The following DIP2C variants were observed in gnomAD, a reference collection of about 807,000 sequenced individuals.
DIP2C encodes the protein disco-interacting protein 2 homolog C.
A neutral mutation model predicts 192.4 loss-of-function variants in DIP2C; 33 were observed. That is an observed-to-expected ratio of 0.17 (90% CI 0.13 to 0.23). The LOEUF (loss-of-function observed/expected upper bound fraction) is 0.23. DIP2C is among the 10% of genes least tolerant of loss of function. The pLI, the probability that DIP2C is intolerant of heterozygous loss-of-function variation, is 1.00. For missense variants in DIP2C, 1,537 were observed against 2,110.1 expected (o/e 0.73, Z 5.32); for synonymous variants, 979 against 864.1 (o/e 1.13, Z -2.33).
chr10:420,384 G>A (rs1036859098), intron 5 of DIP2C, among the ~76,000 whole-genome samples: 3 of 152,194 alleles, frequency 2.0e-5, no homozygotes, highest in Admixed American at 6.5e-5. Context: ...CGGCAATGCC[G>A]TTCACTGGGA....
At chr10:378,238 C>A (rs983247620) in intron 17 of DIP2C, among the ~76,000 whole-genome samples, 2 of 152,188 alleles carry the variant, frequency 1.3e-5, no homozygotes, top group Non-Finnish European at 2.9e-5. Context: ...ACTTTAAATG[C>A]CTAGGTGAAA....
chr10:414,735 G>GTATATATA (rs1377828086), intron 7 of DIP2C, among the ~76,000 whole-genome samples: 23 of 53,084 alleles, frequency 4.3e-4, no homozygotes, highest in East Asian at 3.0e-3. Context: ...GTGTGTGTGT[G>GTATATATA]TGTGTACATA....
In DIP2C at chr10:378,836, AAC is replaced by A. The variant is rs371180321; in HGVS notation, c.1991+3809_1991+3810del. ...AAATGAACAGACATGCACAGATGTG[AAC>A]AGACATGCATAGACACATGTGAACA... On this transcript the variant is annotated intron_variant, in intron 17 of 36. Transcript: ENST00000280886. Among the ~76,000 whole-genome samples the A allele has an allele frequency of 6.4e-3, 974 of 151,826 alleles. 10 individuals are homozygous for A. The highest frequency in any genetic ancestry group is 0.022 in the African/African-American group (911 of 41,414).
intron 32 of DIP2C, among the ~76,000 whole-genome samples, chr10:294,096 C>T (rs1004159848): frequency 6.6e-6 from 1 of 152,144 alleles, no homozygotes. Context: ...TTCTGTCCAT[C>T]CTTTTCCCTT....
chr10:344,992 C>CA lies in DIP2C; in HGVS notation c.3343+6dup. The stretch of plus-strand genomic sequence containing the variant: ...AGCAAACCACCTTCTGCAGCTAAAG[C>CA]ACCAACCTGTGTCCAGGATGAGGGG... On this transcript the variant is annotated splice_region_variant and intron_variant, in intron 27 of 36. Coordinates refer to ENST00000280886, the MANE Select transcript of DIP2C (RefSeq NM_014974.3). The CA allele has an allele frequency of 6.2e-7, 1 of 1,611,472 alleles. No homozygotes were observed. The highest frequency in any genetic ancestry group is 8.5e-7 in the Non-Finnish European group (1 of 1,179,256).
chr10:538,605 A>G (rs1310732308), intron 1 of DIP2C, among the ~76,000 whole-genome samples: 2 of 152,182 alleles, frequency 1.3e-5, no homozygotes, highest in Admixed American at 1.3e-4. Context: ...ATCTAAGTCA[A>G]TGTTGTCAGC....
intron 1 of DIP2C, among the ~76,000 whole-genome samples, chr10:634,803 C>T (rs567251723): frequency 6.6e-6 from 1 of 152,102 alleles, no homozygotes; most frequent in Admixed American, 6.6e-5. Context: ...ATGATTCTCA[C>T]GACACTGTCA....
intron 31 of DIP2C, chr10:324,625 G>A (rs185821749): frequency 9.6e-4 from 187 of 194,382 alleles, no homozygotes; most frequent in South Asian, 2.5e-3. Context: ...GCAAAATAAC[G>A]CCATGACCCA....
At chr10:283,926 A>G (rs1308082970) in intron 34 of DIP2C, among the ~76,000 whole-genome samples, 2 of 152,388 alleles carry the variant, frequency 1.3e-5, no homozygotes, top group South Asian at 2.1e-4. Flanking sequence ...ATGAAGGCAC[A>G]TAACACCAAA....
At chr10:502,747 C>T (rs1357597561) in intron 1 of DIP2C, among the ~76,000 whole-genome samples, 1 of 152,118 alleles carries the variant, frequency 6.6e-6, no homozygotes, top group African/African-American at 2.4e-5. Flanking sequence ...ATAAAAAACA[C>T]TTAGGTATAC....
chr10:277,083 T>G lies in DIP2C; in HGVS notation c.*242A>C. On this transcript the variant is annotated 3_prime_UTR_variant, in exon 37 of 37. Coordinates refer to ENST00000280886, the MANE Select transcript of DIP2C (RefSeq NM_014974.3). ...AAAAGAAAGTTTTGAAATGGGCTTT[T>G]CCAACAAACTGAAGGCAGTAATCCA... The G allele has an allele frequency of 2.2e-6, 1 of 447,714 alleles. No individual in the cohort carries two copies. The highest frequency in any genetic ancestry group is 3.8e-6 in the Non-Finnish European group (1 of 259,862). The allele number at this position is 447,714 out of a possible 1,614,324, so 27.7% of individuals were successfully genotyped here. A position where few individuals can be genotyped will look rare whatever the true frequency, so the allele number is the denominator to read the frequency against.
intron 3 of DIP2C, chr10:441,270 T>G (rs1967703020): frequency 5.4e-6 from 2 of 369,954 alleles, no homozygotes; most frequent in Non-Finnish European, 4.9e-6. Context: ...TTAGGGTGAA[T>G]GGACCTTGAT....
At chr10:408,363 G>T (rs919665613) in intron 9 of DIP2C, among the ~76,000 whole-genome samples, 5 of 152,028 alleles carry the variant, frequency 3.3e-5, no homozygotes, top group African/African-American at 1.2e-4. Flanking sequence ...TAAATTTTAC[G>T]ATCAGGAAAT....
chr10:391,850 G>A (rs1243911901), intron 10 of DIP2C, among the ~76,000 whole-genome samples: 1 of 152,202 alleles, frequency 6.6e-6, no homozygotes, highest in Non-Finnish European at 1.5e-5. Flanking sequence ...GAAAACATGA[G>A]CTGAAGAGTG....
chr10:556,101 GCCGGATCCCCGGACAGCAACC>G (rs1848847588), intron 1 of DIP2C, among the ~76,000 whole-genome samples: 1 of 9,674 alleles, frequency 1.0e-4, no homozygotes, highest in Admixed American at 8.0e-4. Flanking sequence ...CCCTTCCATA[GCCGGATCCCCGGACAGCAACC>G]ACCCACCCCC....
At chr10:599,080 A>C (rs1851897280) in intron 1 of DIP2C, among the ~76,000 whole-genome samples, 1 of 152,308 alleles carries the variant, frequency 6.6e-6, no homozygotes, top group East Asian at 1.9e-4. Context: ...CTCACAAAAC[A>C]GGCTCCAGAA....
rs374953997 is a variant in DIP2C, at chr10:564,225, G to GCA, written c.86-77697_86-77696dup. ...GGGGGAGAACGTTCCCCCCACCCCCGCACGTGGTTGAGGCAGCAGCGTCTG... is the reference window on the plus strand; with the variant it reads ...GGGGGAGAACGTTCCCCCCACCCCCGCACACGTGGTTGAGGCAGCAGCGTCTG... On this transcript the variant is annotated intron_variant, in intron 1 of 36. Coordinates refer to ENST00000280886, the MANE Select transcript of DIP2C (RefSeq NM_014974.3). 5.7e-4 allele frequency among the ~76,000 whole-genome samples: 84 copies of GCA among 148,416 alleles called. 1 individual carries two copies. The highest frequency in any genetic ancestry group is 2.1e-3 in the African/African-American group (83 of 40,336).
rs936054462 is a variant in DIP2C at position 389,484 on chromosome 10, T to C, written c.1597+507A>G. ...CACCAATGCAGAGACTCTGACTCAATTGGGAGGGTGGGTGGACACACAGGC... is the reference window on the plus strand; with the variant it reads ...CACCAATGCAGAGACTCTGACTCAACTGGGAGGGTGGGTGGACACACAGGC... On this transcript the variant is annotated intron_variant, in intron 13 of 36. Coordinates refer to ENST00000280886, the MANE Select transcript of DIP2C (RefSeq NM_014974.3). Among the ~76,000 whole-genome samples the C allele has an allele frequency of 5.3e-5, 8 of 152,156 alleles. No individual in the cohort carries two copies. In the East Asian group the frequency reaches 5.8e-4, roughly 11 times the overall value.
chr10:281,854 G>A (rs2132137452), intron 35 of DIP2C, among the ~76,000 whole-genome samples: 1 of 152,306 alleles, frequency 6.6e-6, no homozygotes, highest in South Asian at 2.1e-4. Flanking sequence ...AGCTCATAGA[G>A]CCAGGAAATT....
Sources: allele counts gnomAD v4.1 joint callset (sites outside exome capture counted in the v4.1 genomes callset), GRCh38; gene constraint gnomAD v4.1.1; transcripts MANE v1.5; gene names NCBI Gene and HGNC (gene_info 2026-07-23, HGNC 2026-07-21).